The following ETV7 variants were observed in gnomAD, a reference collection of about 807,000 sequenced individuals.
The protein encoded by ETV7 is transcription factor ETV7.
In ETV7, 43 loss-of-function variants were observed where a neutral mutation model predicts 39.1. That is an observed-to-expected ratio of 1.10 (90% CI 0.86 to 1.42). The LOEUF (loss-of-function observed/expected upper bound fraction) is 1.42, where lower values mean the gene tolerates loss of function less well. ETV7 is among the 40% of genes most tolerant of loss of function. The probability of loss-of-function intolerance (pLI) is 0.00; values close to 1 mark genes in which losing one functional copy is unlikely to be tolerated. For missense variants in ETV7, 432 were observed against 442.3 expected (o/e 0.98, Z 0.21); for synonymous variants, 196 against 176.6 (o/e 1.11, Z -0.87).
At chr6:36,359,830 A>G (rs768895390) in intron 7 of ETV7, among the ~76,000 whole-genome samples, 3 of 152,236 alleles carry the variant, frequency 2.0e-5, no homozygotes, top group Non-Finnish European at 4.4e-5. Context: ...TTCATTTTAC[A>G]AAAGTAGAAA....
intron 3 of ETV7, among the ~76,000 whole-genome samples, chr6:36,375,068 C>A (rs1444784963): frequency 1.1e-3 from 147 of 131,848 alleles, no homozygotes; most frequent in South Asian, 1.8e-3. Flanking sequence ...GACTCCATCT[C>A]AAAAAAAAAA....
In ETV7 at chr6:36,366,476, C is replaced by T; in HGVS notation, c.*169G>A. 6.7e-7 allele frequency: 1 copy of T among 1,487,162 alleles called. No individual in the cohort carries two copies. Among genetic ancestry groups the T allele is most frequent in the South Asian group, 1.4e-5 (1 of 73,466 alleles). 92.1% of individuals were successfully genotyped at this position (1,487,162 alleles called of 1,614,324 possible). A position where few individuals can be genotyped will look rare whatever the true frequency, so the allele number is the denominator to read the frequency against. On this transcript the variant is annotated 3_prime_UTR_variant, in exon 8 of 8. Transcript: ENST00000340181. Reference sequence around the variant, plus strand: ...TGCCCAAAAGATGACACTCCTGCCCCCAGTGTCCTGGATGGGAGGCCTCCC... The same window carrying T: ...TGCCCAAAAGATGACACTCCTGCCCTCAGTGTCCTGGATGGGAGGCCTCCC...
At chr6:36,367,739 G>C (rs1772804251) in intron 6 of ETV7, among the ~76,000 whole-genome samples, 1 of 151,978 alleles carries the variant, frequency 6.6e-6, no homozygotes, top group Admixed American at 6.5e-5. Flanking sequence ...TAGGGCCAAA[G>C]AGCCTGGGGT....
Position 36,369,044 on chromosome 6 carries a change from T to TA in ETV7, c.691dup (p.Tyr231LeufsTer6), listed in dbSNP as rs1772871899. 1 of 1,614,208 alleles carries TA rather than the reference T, an allele frequency of 6.2e-7. No homozygotes were observed. The highest frequency in any genetic ancestry group is 1.1e-5 in the South Asian group (1 of 91,086). ...ATATCGGGTATCAAGGAGCAGCTGA[T>TA]ACACGTAATCCCACAGCAGGCGGCA... On this transcript the variant is annotated frameshift_variant, in exon 6 of 8. Coordinates refer to ENST00000340181, the MANE Select transcript of ETV7 (RefSeq NM_016135.4). LOFTEE classifies it high-confidence loss of function.
chr6:36,363,162 C>T (rs1772568865), downstream of ETV7, among the ~76,000 whole-genome samples: 2 of 152,224 alleles, frequency 1.3e-5, no homozygotes, highest in Admixed American at 6.5e-5. Flanking sequence ...GGTTCTTGGT[C>T]TCACTGACTT....
chr6:36,378,140 G>T (rs547596782), intron 2 of ETV7, among the ~76,000 whole-genome samples: 1 of 151,434 alleles, frequency 6.6e-6, no homozygotes, highest in African/African-American at 2.4e-5. Context: ...GTTCATGCAC[G>T]CACACACGCG....
At chr6:36,369,906 T>TAAAA (rs10664403) in intron 5 of ETV7, among the ~76,000 whole-genome samples, 354 of 146,250 alleles carry the variant, frequency 2.4e-3, no homozygotes, top group African/African-American at 8.5e-3. Context: ...CCCTGTCTCT[T>TAAAA]AAAAAAAAAA....
chr6:36,355,715 T>A (rs1176935970), intron 7 of ETV7, among the ~76,000 whole-genome samples: 1 of 152,230 alleles, frequency 6.6e-6, no homozygotes, highest in East Asian at 1.9e-4. Context: ...ACCCAGCCCA[T>A]AAGCTCTTAA....
intron 7 of ETV7, among the ~76,000 whole-genome samples, chr6:36,356,841 A>C (rs1772355292): frequency 6.6e-6 from 1 of 152,230 alleles, no homozygotes; most frequent in African/African-American, 2.4e-5. Flanking sequence ...CTAAGGATTA[A>C]GGCATTGTCC....
downstream of ETV7, among the ~76,000 whole-genome samples, chr6:36,362,773 T>A (rs979967849): frequency 5.3e-5 from 8 of 152,198 alleles, no homozygotes; most frequent in Non-Finnish European, 1.2e-4. Flanking sequence ...GCTCTCCTAG[T>A]AGCCCAACCC....
chr6:36,358,686 C>A (rs913036089), intron 7 of ETV7, among the ~76,000 whole-genome samples: 1 of 152,172 alleles, frequency 6.6e-6, no homozygotes, highest in Non-Finnish European at 1.5e-5. Flanking sequence ...GAGATTTGCA[C>A]GCCACGTTCA....
chr6:36,386,500 T>A (rs1773906658), intron 1 of ETV7, among the ~76,000 whole-genome samples: 1 of 152,054 alleles, frequency 6.6e-6, no homozygotes, highest in South Asian at 2.1e-4. Flanking sequence ...GTGGCAGGAT[T>A]TTGTAGGAAT....
chr6:36,369,896 C>A (rs1410473316), intron 5 of ETV7, among the ~76,000 whole-genome samples: 2 of 143,424 alleles, frequency 1.4e-5, no homozygotes, highest in Non-Finnish European at 3.0e-5. Context: ...CAGAGTGAGA[C>A]CCTGTCTCTT....
downstream of ETV7, among the ~76,000 whole-genome samples, chr6:36,363,072 A>C (rs934147458): frequency 4.0e-5 from 6 of 151,624 alleles, no homozygotes; most frequent in Admixed American, 3.9e-4. Flanking sequence ...GAGGGCCTGG[A>C]TAAATTCATT....
intron 2 of ETV7, among the ~76,000 whole-genome samples, chr6:36,378,910 A>T (rs1036445652): frequency 6.6e-6 from 1 of 152,244 alleles, no homozygotes; most frequent in Non-Finnish European, 1.5e-5. Context: ...GTGACAAGAC[A>T]TGTCACCTCA....
rs575217341 is a variant in ETV7 at position 36,375,136 on chromosome 6, C to A, written c.307+735G>T. Among the ~76,000 whole-genome samples the A allele has an allele frequency of 2.6e-5, 4 of 151,730 alleles. No homozygotes were observed. The South Asian group carries it at 8.3e-4, about 32-fold the overall frequency. On this transcript the variant is annotated intron_variant, in intron 3 of 7. Coordinates refer to ENST00000340181, the MANE Select transcript of ETV7 (RefSeq NM_016135.4). ...GCTGTATGTGTTAGGTATAAACAGG[C>A]AAATCAGCAGATTTCAGAACGTCTC... is the stretch of plus-strand genomic sequence containing the variant.
At chr6:36,364,772 C>T (rs149327002), downstream of ETV7, among the ~76,000 whole-genome samples, 774 of 152,360 alleles carry the variant, frequency 5.1e-3, 3 homozygotes, top group Middle Eastern at 0.017. Context: ...GCTGTGAGGA[C>T]TGCCAGCACG....
intron 2 of ETV7, 98 bp from the exon 3 acceptor site, chr6:36,376,133 G>A: frequency 3.5e-6 from 4 of 1,143,108 alleles, no homozygotes; most frequent in Non-Finnish European, 4.9e-6. Flanking sequence ...CCCTGTCCTG[G>A]CCCCCAACCC....
chr6:36,359,698 T>C (rs1772436390), intron 7 of ETV7, among the ~76,000 whole-genome samples: 1 of 152,252 alleles, frequency 6.6e-6, no homozygotes, highest in Non-Finnish European at 1.5e-5. Flanking sequence ...CACCACAATA[T>C]TCCTGTTTCT....
Sources: allele counts gnomAD v4.1 joint callset (sites outside exome capture counted in the v4.1 genomes callset), GRCh38; gene constraint gnomAD v4.1.1; transcripts MANE v1.5; gene names NCBI Gene and HGNC (gene_info 2026-07-23, HGNC 2026-07-21).